STPG4: variants seen among roughly 807,000 people sequenced by gnomAD.
STPG4 encodes sperm-tail PG-rich repeat containing 4.
STPG4 carries 41 observed loss-of-function variants against 31.5 expected under a neutral mutation model. The ratio of observed to expected loss-of-function variants is 1.30; its 90% CI spans 1.01 to 1.69. The LOEUF (loss-of-function observed/expected upper bound fraction) is 1.69. Ranked by LOEUF, STPG4 falls within the 40% of genes most tolerant of loss-of-function variation. The pLI, the probability that STPG4 is intolerant of heterozygous loss-of-function variation, is 0.00. For missense variants in STPG4, 375 were observed against 293.4 expected (o/e 1.28, Z -2.03); for synonymous variants, 141 against 103.0 (o/e 1.37, Z -2.24).
intron 3 of STPG4, among the ~76,000 whole-genome samples, chr2:47,133,988 G>C (rs1190301525): frequency 6.7e-6 from 1 of 150,164 alleles, no homozygotes; most frequent in African/African-American, 2.4e-5. Flanking sequence ...GAAATAATGT[G>C]AAAAAAGCCA....
rs144624578 is a variant in STPG4 at position 47,151,292 on chromosome 2, C to G, written c.365G>C (p.Arg122Pro). The G allele has an allele frequency of 1.9e-6, 3 of 1,614,168 alleles. No individual in the cohort carries two copies. Among genetic ancestry groups the G allele is most frequent in the Non-Finnish European group, 2.5e-6 (3 of 1,180,046 alleles). ...GTCAACTAGTGTGCTGGGGCTTGGC[C>G]GTGGTTTGTCTTTGAATGAGTAAGT... The part of the protein sequence containing the change: ...VATYSFKDKP[R>P]PSPSTLVDKD... Residue 122 changes from arginine (R) to proline (P), a missense_variant, in exon 3 of 7, where the codon CGG becomes CCG. Transcript: ENST00000445927.
intron 3 of STPG4, among the ~76,000 whole-genome samples, chr2:47,131,923 G>C (rs113521833): frequency 6.6e-6 from 1 of 152,168 alleles, no homozygotes; most frequent in Admixed American, 6.5e-5. Flanking sequence ...CCAACACTTC[G>C]GGAAGCCGAG....
intron 3 of STPG4, among the ~76,000 whole-genome samples, chr2:47,131,541 G>A (rs1009881886): frequency 2.6e-5 from 4 of 152,190 alleles, no homozygotes; most frequent in African/African-American, 9.7e-5. Flanking sequence ...AGAGAGCTAC[G>A]GTCCCTGACC....
intron 3 of STPG4, 87 bp from the exon 4 acceptor site, chr2:47,130,347 G>A (rs961317477): frequency 8.3e-6 from 9 of 1,082,088 alleles, no homozygotes; most frequent in Non-Finnish European, 1.3e-5. Context: ...TTTATTTTAT[G>A]ACCATACAAC....
chr2:47,135,100 T>C (rs567309054), intron 3 of STPG4, among the ~76,000 whole-genome samples: 1 of 152,310 alleles, frequency 6.6e-6, no homozygotes, highest in East Asian at 1.9e-4. Context: ...AACAGTTCTT[T>C]CTCAGATATA....
At chr2:47,098,332 C>T (rs1411148494) in intron 5 of STPG4, among the ~76,000 whole-genome samples, 1 of 152,186 alleles carries the variant, frequency 6.6e-6, no homozygotes, top group Non-Finnish European at 1.5e-5. Flanking sequence ...ACTTTCATTT[C>T]ATCCTCATGC....
chr2:47,119,857 T>G (rs1020775192), intron 5 of STPG4, among the ~76,000 whole-genome samples: 2 of 152,136 alleles, frequency 1.3e-5, no homozygotes, highest in African/African-American at 4.8e-5. Context: ...TTTTTAAGGG[T>G]AGGGCTAAAT....
At chr2:47,088,937 A>C (rs954205863) in intron 6 of STPG4, among the ~76,000 whole-genome samples, 4 of 152,154 alleles carry the variant, frequency 2.6e-5, no homozygotes, top group African/African-American at 9.7e-5. Context: ...GCATCTCACA[A>C]GGCCACCCCT....
intron 3 of STPG4, among the ~76,000 whole-genome samples, chr2:47,135,618 C>T (rs1686580835): frequency 6.6e-6 from 1 of 152,158 alleles, no homozygotes; most frequent in South Asian, 2.1e-4. Flanking sequence ...AACTCATGAC[C>T]TCAAGTGATC....
intron 5 of STPG4, among the ~76,000 whole-genome samples, chr2:47,105,684 T>C (rs1685896260): frequency 6.6e-6 from 1 of 152,002 alleles, no homozygotes; most frequent in Admixed American, 6.5e-5. Flanking sequence ...CCATAGTTAG[T>C]GATGTAACCA....
intron 2 of STPG4, among the ~76,000 whole-genome samples, chr2:47,152,300 G>T (rs1414289746): frequency 2.0e-5 from 3 of 152,214 alleles, no homozygotes; most frequent in African/African-American, 7.2e-5. Flanking sequence ...AGTCCAATAA[G>T]AGGTTTGGTA....
intron 3 of STPG4, among the ~76,000 whole-genome samples, chr2:47,150,528 T>A (rs1686913748): frequency 6.6e-6 from 1 of 151,920 alleles, no homozygotes; most frequent in African/African-American, 2.4e-5. Context: ...AAAAAAAATA[T>A]TTTTAGAGAC....
chr2:47,101,560 T>C (rs994409341), intron 5 of STPG4, among the ~76,000 whole-genome samples: 3 of 151,870 alleles, frequency 2.0e-5, no homozygotes, highest in Non-Finnish European at 2.9e-5. Context: ...GGTGCTTTTT[T>C]AGTTTCTCCT....
intron 5 of STPG4, among the ~76,000 whole-genome samples, chr2:47,094,697 G>T (rs1685635823): frequency 6.6e-6 from 1 of 152,220 alleles, no homozygotes; most frequent in Non-Finnish European, 1.5e-5. Flanking sequence ...AGGCTCTGGT[G>T]TAACAGGGCT....
At chr2:47,143,281 A>G (rs1686753208) in intron 3 of STPG4, among the ~76,000 whole-genome samples, 1 of 152,210 alleles carries the variant, frequency 6.6e-6, no homozygotes, top group Admixed American at 6.5e-5. Context: ...ATTCATATAA[A>G]CAACGTGTGA....
chr2:47,114,268 T>C, intron 5 of STPG4, among the ~76,000 whole-genome samples: 1 of 151,676 alleles, frequency 6.6e-6, no homozygotes, highest in South Asian at 2.1e-4. Flanking sequence ...ACTTTGGAAG[T>C]CTGAGGTGGG....
At chr2:47,092,640 G>A (rs72877021) in intron 5 of STPG4, among the ~76,000 whole-genome samples, 1 of 142,312 alleles carries the variant, frequency 7.0e-6, no homozygotes, top group South Asian at 2.4e-4. Flanking sequence ...AGAGGGGAGA[G>A]GAGGAGAAAG....
At chr2:47,088,972 G>C (rs1172365512) in intron 6 of STPG4, among the ~76,000 whole-genome samples, 2 of 152,174 alleles carry the variant, frequency 1.3e-5, no homozygotes, top group Non-Finnish European at 2.9e-5. Flanking sequence ...TTGGGGTTCA[G>C]CCACCTTGAG....
At chr2:47,103,785 G>T (rs190979181) in intron 5 of STPG4, among the ~76,000 whole-genome samples, 19 of 151,918 alleles carry the variant, frequency 1.3e-4, no homozygotes, top group Non-Finnish European at 2.8e-4. Flanking sequence ...GGTGCCCGGG[G>T]CAAGTGCCAG....
Sources: gnomAD v4.1 joint callset for allele counts (sites outside exome capture counted in the v4.1 genomes callset) on GRCh38, gnomAD v4.1.1 for gene constraint, MANE v1.5 for transcripts, NCBI Gene and HGNC (gene_info 2026-07-23, HGNC 2026-07-21) for gene names.